HTR1F: variants seen among roughly 807,000 people sequenced by gnomAD.
The protein encoded by HTR1F is 5-hydroxytryptamine receptor 1F, also known as 5-hydroxytryptamine (serotonin) receptor 1F, G protein-coupled.
A neutral mutation model predicts 24.0 loss-of-function variants in HTR1F; 17 were observed. That is an observed-to-expected ratio of 0.71 (90% confidence interval 0.48 to 1.06). The LOEUF (loss-of-function observed/expected upper bound fraction) is 1.06. HTR1F is among the 50% of genes least tolerant of loss of function. The pLI, the probability that HTR1F is intolerant of heterozygous loss-of-function variation, is 0.00. For missense variants in HTR1F, 391 were observed against 427.8 expected (o/e 0.91, Z 0.76); for synonymous variants, 186 against 156.8 (o/e 1.19, Z -1.39).
intron 2 of HTR1F, among the ~76,000 whole-genome samples, chr3:87,843,945 G>A (rs56277603): frequency 0.076 from 11,492 of 151,216 alleles, 534 homozygotes; most frequent in Middle Eastern, 0.12. Flanking sequence ...CATTTGGGTT[G>A]GTTCCAAGTC....
intron 1 of HTR1F, among the ~76,000 whole-genome samples, chr3:87,812,299 A>G (rs1704174249): frequency 1.3e-5 from 2 of 152,188 alleles, no homozygotes; most frequent in Admixed American, 6.5e-5. Context: ...GTTTTGACCA[A>G]CATGCTGATA....
chr3:87,808,442 T>C (rs1704107663), intron 1 of HTR1F, among the ~76,000 whole-genome samples: 1 of 151,922 alleles, frequency 6.6e-6, no homozygotes, highest in Non-Finnish European at 1.5e-5. Context: ...CCTTTGTGTA[T>C]CTGTGATATC....
At chr3:87,981,005 G>A (rs1368458192) in intron 2 of HTR1F, among the ~76,000 whole-genome samples, 1 of 151,986 alleles carries the variant, frequency 6.6e-6, no homozygotes, top group Non-Finnish European at 1.5e-5. Flanking sequence ...CTGGGGGGGT[G>A]GGGCTCCCAC....
chr3:87,919,381 A>G (rs1703962916), intron 2 of HTR1F, among the ~76,000 whole-genome samples: 1 of 152,108 alleles, frequency 6.6e-6, no homozygotes, highest in Admixed American at 6.6e-5. Flanking sequence ...CTGGGACTTA[A>G]TTAAACTAAA....
At chr3:87,811,620 A>G (rs2107098550) in intron 1 of HTR1F, among the ~76,000 whole-genome samples, 1 of 152,352 alleles carries the variant, frequency 6.6e-6, no homozygotes, top group South Asian at 2.1e-4. Flanking sequence ...GTTTAAAAAA[A>G]CAGCTTGAGG....
intron 2 of HTR1F, among the ~76,000 whole-genome samples, chr3:87,980,894 G>A (rs1705526599): frequency 6.6e-6 from 1 of 152,196 alleles, no homozygotes; most frequent in South Asian, 2.1e-4. Flanking sequence ...GGCAGCAAGA[G>A]TAGGCACTTC....
chr3:87,919,456 G>C (rs1056960049), intron 2 of HTR1F, among the ~76,000 whole-genome samples: 1 of 151,818 alleles, frequency 6.6e-6, no homozygotes, highest in African/African-American at 2.4e-5. Flanking sequence ...GTGGGAAAAA[G>C]TCTTCACAAT....
At chr3:87,983,748 A>G (rs1174290392) in intron 2 of HTR1F, among the ~76,000 whole-genome samples, 6 of 152,158 alleles carry the variant, frequency 3.9e-5, no homozygotes, top group Non-Finnish European at 1.5e-5. Context: ...AGCAATATAA[A>G]CCCTAAATTT....
In HTR1F at chr3:87,932,715, C is replaced by T. The variant is rs373266344; in HGVS notation, c.-42-57993C>T. On this transcript the variant is annotated intron_variant, in intron 2 of 2. Coordinates refer to ENST00000319595, the MANE Select transcript of HTR1F (RefSeq NM_001322209.2). ...CTGAAATTGTGGCAATAATCAATAG[C>T]TTACCAACCAAAAAGAGTCCAGGAC... Among the ~76,000 whole-genome samples the T allele has an allele frequency of 4.6e-5, 7 of 151,686 alleles. No homozygotes were observed. In the East Asian group the frequency reaches 1.2e-3, roughly 25 times the overall value.
intron 2 of HTR1F, among the ~76,000 whole-genome samples, chr3:87,956,561 G>A (rs1209231170): frequency 6.6e-6 from 1 of 151,170 alleles, no homozygotes; most frequent in Non-Finnish European, 1.5e-5. Context: ...GGGACTATGT[G>A]GAATCTATAG....
At chr3:87,933,791 A>G (rs1397734820) in intron 2 of HTR1F, among the ~76,000 whole-genome samples, 1 of 152,250 alleles carries the variant, frequency 6.6e-6, no homozygotes, top group East Asian at 1.9e-4. Flanking sequence ...AAGGTAATAT[A>G]TACATTCAAT....
chr3:87,909,739 T>G (rs1703737102), intron 2 of HTR1F, among the ~76,000 whole-genome samples: 1 of 152,056 alleles, frequency 6.6e-6, no homozygotes, highest in Admixed American at 6.6e-5. Flanking sequence ...TCTTTAGAAA[T>G]CCAGGCTTCT....
intron 2 of HTR1F, among the ~76,000 whole-genome samples, chr3:87,840,767 C>A (rs1704785670): frequency 6.6e-6 from 1 of 151,922 alleles, no homozygotes; most frequent in Admixed American, 6.6e-5. Context: ...ACAGGAAATT[C>A]TGTCATTTGC....
chr3:87,989,924 A>T (rs1705781150), intron 2 of HTR1F, among the ~76,000 whole-genome samples: 1 of 152,190 alleles, frequency 6.6e-6, no homozygotes, highest in African/African-American at 2.4e-5. Flanking sequence ...TCTTCATGTA[A>T]GTGTGCATTC....
intron 2 of HTR1F, among the ~76,000 whole-genome samples, chr3:87,952,639 A>G (rs1276591743): frequency 6.6e-6 from 1 of 152,034 alleles, no homozygotes; most frequent in Non-Finnish European, 1.5e-5. Context: ...ATTGTTTTGC[A>G]TAATTTGCAA....
intron 2 of HTR1F, among the ~76,000 whole-genome samples, chr3:87,864,953 T>C (rs2107238315): frequency 6.6e-6 from 1 of 151,874 alleles, no homozygotes; most frequent in African/African-American, 2.4e-5. Context: ...GGAAAACTCA[T>C]TTAGCATAAT....
chr3:87,856,297 A>G (rs1327068108), intron 2 of HTR1F, among the ~76,000 whole-genome samples: 2 of 152,080 alleles, frequency 1.3e-5, no homozygotes, highest in Admixed American at 1.3e-4. Context: ...TGTATCCCTC[A>G]TGAGTAAGAG....
chr3:87,814,702 T>A (rs567735289), intron 1 of HTR1F, among the ~76,000 whole-genome samples: 1 of 152,304 alleles, frequency 6.6e-6, no homozygotes, highest in East Asian at 1.9e-4. Flanking sequence ...CATGAATGTA[T>A]GTGGTATATA....
intron 2 of HTR1F, among the ~76,000 whole-genome samples, chr3:87,922,513 G>A (rs1028022331): frequency 9.9e-5 from 15 of 151,686 alleles, no homozygotes; most frequent in African/African-American, 3.6e-4. Flanking sequence ...ATGTTTTTTA[G>A]TTTGTGTAAT....
Sources: allele counts gnomAD v4.1 joint callset (sites outside exome capture counted in the v4.1 genomes callset), GRCh38; gene constraint gnomAD v4.1.1; transcripts MANE v1.5; gene names NCBI Gene and HGNC (gene_info 2026-07-23, HGNC 2026-07-21).